The following LRRC8B variants were observed in gnomAD, a reference collection of about 807,000 sequenced individuals.
LRRC8B encodes leucine rich repeat containing 8 VRAC subunit B, also known as volume-regulated anion channel subunit LRRC8B.
Under a neutral mutation model 58.8 loss-of-function variants are expected in LRRC8B, and 23 were observed. That is an observed-to-expected ratio of 0.39 (90% CI 0.28 to 0.55). The LOEUF is 0.55. Among genes scored for constraint, LRRC8B ranks in the 20% least tolerant of loss-of-function variants. The pLI, the probability that LRRC8B is intolerant of heterozygous loss-of-function variation, is 0.62. For missense variants in LRRC8B, 694 were observed against 936.0 expected, an observed-to-expected ratio of 0.74 and a Z score of 3.37; for synonymous variants, 359 against 374.1, an observed-to-expected ratio of 0.96 and a Z score of 0.47.
intron 1 of LRRC8B, among the ~76,000 whole-genome samples, chr1:89,539,717 G>A (rs1282438108): frequency 6.6e-6 from 1 of 152,172 alleles, no homozygotes; most frequent in African/African-American, 2.4e-5. Flanking sequence ...CCTTTTGCTT[G>A]ATTTTGCATT....
At chr1:89,589,247 AGTT>A in intron 5 of LRRC8B, among the ~76,000 whole-genome samples, 1 of 152,288 alleles carries the variant, frequency 6.6e-6, no homozygotes, top group East Asian at 1.9e-4. Context: ...TGAGGTCTGA[AGTT>A]TCCTGGCAAG....
At chr1:89,528,816 G>A (rs565692494) in intron 1 of LRRC8B, among the ~76,000 whole-genome samples, 2 of 152,228 alleles carry the variant, frequency 1.3e-5, no homozygotes, top group East Asian at 3.9e-4. Context: ...GCAGAAAGGA[G>A]GAAAGAAGGA....
At chr1:89,584,869 A>G (rs2101073357) in intron 5 of LRRC8B, 80 bp downstream of exon 5, 5 of 1,009,064 alleles carry the variant, frequency 5.0e-6, no homozygotes, top group Non-Finnish European at 7.4e-6. Flanking sequence ...ACACACTTCA[A>G]ATCATACTGT....
At chr1:89,578,719 T>TA (rs1268788962) in intron 3 of LRRC8B, among the ~76,000 whole-genome samples, 2 of 146,476 alleles carry the variant, frequency 1.4e-5, no homozygotes, top group Non-Finnish European at 3.0e-5. Context: ...AAGGATTGTA[T>TA]AATACAAAAT....
intron 1 of LRRC8B, among the ~76,000 whole-genome samples, chr1:89,541,817 A>G (rs903125236): frequency 6.7e-6 from 1 of 149,082 alleles, no homozygotes; most frequent in Admixed American, 6.7e-5. Context: ...ATAAGAGTTC[A>G]GTCTCCTCCA....
Position 89,559,629 on chromosome 1 carries a change from T to TAC in LRRC8B, c.-240-8596_-240-8595dup, listed in dbSNP as rs71084951. On this transcript the variant is annotated intron_variant, in intron 1 of 5. Transcript: ENST00000330947. ...AAAAAAAAAAAAATATATATATATATACACACACACACACACACACACATA... is the reference window on the plus strand; with the variant it reads ...AAAAAAAAAAAAATATATATATATATACACACACACACACACACACACACATA... 4.7e-3 allele frequency among the ~76,000 whole-genome samples: 653 copies of TAC among 137,540 alleles called. 3 individuals carry two copies. The highest frequency in any genetic ancestry group is 0.013 in the African/African-American group (502 of 37,498). 90.2% of individuals were successfully genotyped at this position (137,540 alleles called of 152,430 possible).
rs572803266 is a variant in LRRC8B at position 89,550,270 on chromosome 1, G to A, written c.-240-17977G>A. Among the ~76,000 whole-genome samples, 6 of 152,208 alleles carry A rather than the reference G, an allele frequency of 3.9e-5. No homozygotes were observed. The South Asian group carries it at 1.0e-3, about 26-fold the overall frequency. ...AGCCACCTTTCCTGTTTATCATCTGGACAATTGATCTATCCTGATCTCCTC... is the reference window on the plus strand; with the variant it reads ...AGCCACCTTTCCTGTTTATCATCTGAACAATTGATCTATCCTGATCTCCTC... On this transcript the variant is annotated intron_variant, in intron 1 of 5. Transcript: ENST00000330947.
chr1:89,574,308 TC>T (rs951954952), intron 3 of LRRC8B, among the ~76,000 whole-genome samples: 1 of 152,198 alleles, frequency 6.6e-6, no homozygotes, highest in African/African-American at 2.4e-5. Flanking sequence ...GAATAAAGAA[TC>T]AAAACAAAAA....
intron 1 of LRRC8B, among the ~76,000 whole-genome samples, chr1:89,533,131 T>G (rs1196083451): frequency 6.6e-6 from 1 of 152,244 alleles, no homozygotes; most frequent in Non-Finnish European, 1.5e-5. Flanking sequence ...ATAGTCTATC[T>G]GCCAGCATCA....
chr1:89,537,647 A>G (rs1205345272), intron 1 of LRRC8B, among the ~76,000 whole-genome samples: 1 of 151,590 alleles, frequency 6.6e-6, no homozygotes, highest in Non-Finnish European at 1.5e-5. Flanking sequence ...TAATTTTTGT[A>G]TTTTTACTAG....
At chr1:89,547,477 A>G (rs1651495633) in intron 1 of LRRC8B, among the ~76,000 whole-genome samples, 1 of 152,176 alleles carries the variant, frequency 6.6e-6, no homozygotes, top group Non-Finnish European at 1.5e-5. Context: ...GTGTATGTTT[A>G]AAATTTTCCA....
chr1:89,584,106 G>C lies in LRRC8B; in HGVS notation c.1456G>C (p.Glu486Gln). 5 of 1,613,722 alleles carry C rather than the reference G, an allele frequency of 3.1e-6. No homozygotes were observed. Among genetic ancestry groups the C allele is most frequent in the Non-Finnish European group, 3.4e-6 (4 of 1,179,996 alleles). ...VVDHPALAFLEENLKILRLKF... is the reference protein window; with the variant it reads ...VVDHPALAFLQENLKILRLKF... ...AGACCATCCTGCACTGGCCTTTCTAGAGGAGAATTTAAAAATCCTCCGCCT... is the reference window on the plus strand; with the variant it reads ...AGACCATCCTGCACTGGCCTTTCTACAGGAGAATTTAAAAATCCTCCGCCT... Residue 486 changes from glutamate to glutamine, a missense_variant, in exon 5 of 6, where the codon GAG (glutamate) becomes CAG (glutamine). By Grantham distance (29) the Glu-to-Gln change is conservative. This residue lies in a region of LRRC8B where 162 missense variants were observed against 198.5 expected (regional missense o/e 0.82). Coordinates refer to ENST00000330947, the MANE Select transcript of LRRC8B (RefSeq NM_001369817.2).
intron 1 of LRRC8B, among the ~76,000 whole-genome samples, chr1:89,548,115 T>A (rs1651543350): frequency 6.6e-6 from 1 of 152,226 alleles, no homozygotes; most frequent in Admixed American, 6.5e-5. Context: ...TCCAAATGAT[T>A]TTAAAAGTTC....
At chr1:89,571,381 T>G (rs1204089464) in intron 3 of LRRC8B, among the ~76,000 whole-genome samples, 1 of 152,226 alleles carries the variant, frequency 6.6e-6, no homozygotes, top group Non-Finnish European at 1.5e-5. Flanking sequence ...TTTTGTGTCA[T>G]CTCCAATTTC....
chr1:89,580,736 C>T (rs1654159163), intron 4 of LRRC8B, among the ~76,000 whole-genome samples: 1 of 152,004 alleles, frequency 6.6e-6, no homozygotes, highest in Non-Finnish European at 1.5e-5. Flanking sequence ...CCTGTAGGTC[C>T]TAGGAGGAAG....
At chr1:89,570,143 C>T (rs1296454933) in intron 3 of LRRC8B, among the ~76,000 whole-genome samples, 1 of 152,140 alleles carries the variant, frequency 6.6e-6, no homozygotes, top group Admixed American at 6.5e-5. Flanking sequence ...TAGGTTGATT[C>T]CATGTCTTTG....
At position 89,584,483 on chromosome 1, in the gene LRRC8B, T is replaced by C. The variant is rs781661010; in HGVS notation, c.1833T>C (p.His611=). Reference sequence around the variant, plus strand: ...CCATTTTCAGCCTGAATAATTTGCATGAGTTAGACCTAAGGGAAAATAACC... The same window carrying C: ...CCATTTTCAGCCTGAATAATTTGCACGAGTTAGACCTAAGGGAAAATAACC... The part of the protein sequence containing the change: ...PHSIFSLNNL[H]ELDLRENNLK... The change falls in exon 5 of 6, where the codon CAT becomes CAC. Residue 611 remains histidine, a synonymous_variant. Coordinates refer to ENST00000330947, the MANE Select transcript of LRRC8B (RefSeq NM_001369817.2). 3 of 1,614,226 alleles carry C rather than the reference T, an allele frequency of 1.9e-6. No homozygotes were observed. The South Asian group carries it at 3.3e-5, about 18-fold the overall frequency.
chr1:89,537,575 C>T (rs1325876576), intron 1 of LRRC8B, among the ~76,000 whole-genome samples: 12 of 152,188 alleles, frequency 7.9e-5, no homozygotes, highest in African/African-American at 2.6e-4. Context: ...TGGGTTCAAG[C>T]GATTCTCCTG....
chr1:89,553,672 A>G (rs1479052727), intron 1 of LRRC8B, among the ~76,000 whole-genome samples: 1 of 152,210 alleles, frequency 6.6e-6, no homozygotes, highest in Non-Finnish European at 1.5e-5. Context: ...AAATCTAATT[A>G]CTTTGTCCAT....
Sources: allele counts gnomAD v4.1 joint callset (sites outside exome capture counted in the v4.1 genomes callset), GRCh38; gene constraint gnomAD v4.1.1; regional missense constraint gnomAD v4.1.1; transcripts MANE v1.5; gene names NCBI Gene and HGNC (gene_info 2026-07-23, HGNC 2026-07-21).